Variants in TIAM2 observed in about 807,000 individuals in gnomAD.
The protein encoded by TIAM2 is rho guanine nucleotide exchange factor TIAM2.
TIAM2 carries 80 observed loss-of-function variants against 152.9 expected under a neutral mutation model. The observed-to-expected ratio is 0.52, with a 90% CI of 0.44 to 0.63. The LOEUF (loss-of-function observed/expected upper bound fraction) is 0.63, where lower values mean the gene tolerates loss of function less well. Ranked by LOEUF, TIAM2 falls within the 30% of genes least tolerant of loss-of-function variation. TIAM2 has a pLI of 0.00. For missense variants in TIAM2, 1,965 were observed against 2,120.1 expected (o/e 0.93, Z 1.44); for synonymous variants, 804 against 838.0 (o/e 0.96, Z 0.70).
chr6:155,052,921 G>C (rs1777351404), intron 1 of TIAM2, among the ~76,000 whole-genome samples: 1 of 152,136 alleles, frequency 6.6e-6, no homozygotes, highest in Admixed American at 6.5e-5. Context: ...CTAGGACCAT[G>C]TTTGTTTTGT....
chr6:155,243,415 G>A (rs1783149574), intron 16 of TIAM2, among the ~76,000 whole-genome samples: 1 of 152,146 alleles, frequency 6.6e-6, no homozygotes, highest in South Asian at 2.1e-4. Flanking sequence ...CTGAAGAAAG[G>A]GTGTTTCTGT....
chr6:155,179,243 C>A, intron 11 of TIAM2, 100 bp downstream of exon 11: 1 of 1,433,488 alleles, frequency 7.0e-7, no homozygotes, highest in Non-Finnish European at 9.7e-7. Context: ...TTAAATTTGG[C>A]GTCTAGTTTG....
chr6:155,133,536 A>G (rs959667418), intron 4 of TIAM2, among the ~76,000 whole-genome samples: 1 of 152,176 alleles, frequency 6.6e-6, no homozygotes, highest in Non-Finnish European at 1.5e-5. Flanking sequence ...ACCATAATTT[A>G]CCTTAGAGCT....
chr6:155,212,899 C>T (rs141580071), intron 15 of TIAM2, among the ~76,000 whole-genome samples: 75 of 152,280 alleles, frequency 4.9e-4, no homozygotes, highest in African/African-American at 1.5e-3. Flanking sequence ...GGCTCTAGCA[C>T]GGGCGCCGGT....
At chr6:155,094,808 C>T (rs1353673301) in intron 2 of TIAM2, among the ~76,000 whole-genome samples, 2 of 148,022 alleles carry the variant, frequency 1.4e-5, no homozygotes, top group Non-Finnish European at 1.5e-5. Flanking sequence ...GTCTTGAATT[C>T]CTGAGCTCAA....
intron 7 of TIAM2, among the ~76,000 whole-genome samples, chr6:155,157,108 C>T (rs779498721): frequency 2.0e-5 from 3 of 152,164 alleles, no homozygotes; most frequent in South Asian, 2.1e-4. Context: ...TCTGAACCCT[C>T]GATGCCTTGC....
intron 7 of TIAM2, among the ~76,000 whole-genome samples, chr6:155,163,685 TAA>T (rs1191406619): frequency 6.6e-6 from 1 of 152,234 alleles, no homozygotes; most frequent in Non-Finnish European, 1.5e-5. Flanking sequence ...AACAGAAACA[TAA>T]AGTCATTGCT....
intron 2 of TIAM2, among the ~76,000 whole-genome samples, chr6:155,110,483 A>G (rs1308841650): frequency 2.0e-5 from 3 of 152,104 alleles, no homozygotes; most frequent in African/African-American, 4.8e-5. Context: ...TGTACATTCA[A>G]TCTGTGACCA....
At chr6:155,127,625 G>C in intron 3 of TIAM2, 25 bp downstream of exon 3, 1 of 455,850 alleles carries the variant, frequency 2.2e-6, no homozygotes, top group Middle Eastern at 3.3e-4. Context: ...TGTGCCTGGG[G>C]GTCACGTCAA....
chr6:155,068,277 T>C (rs908825802), intron 1 of TIAM2, among the ~76,000 whole-genome samples: 3 of 152,206 alleles, frequency 2.0e-5, no homozygotes, highest in African/African-American at 7.2e-5. Flanking sequence ...CAAAAAACTC[T>C]CTACCCACCC....
chr6:155,172,238 C>T (rs376763934), intron 9 of TIAM2, among the ~76,000 whole-genome samples: 7 of 152,048 alleles, frequency 4.6e-5, no homozygotes, highest in East Asian at 1.9e-4. Flanking sequence ...GTCGTGATGG[C>T]CAGTTGGAGC....
chr6:155,208,563 A>G (rs1202779867), intron 14 of TIAM2, among the ~76,000 whole-genome samples: 1 of 152,110 alleles, frequency 6.6e-6, no homozygotes, highest in Non-Finnish European at 1.5e-5. Flanking sequence ...CATGTGTCTC[A>G]GACTCAGCAT....
intron 2 of TIAM2, among the ~76,000 whole-genome samples, chr6:155,117,915 G>A (rs1313479111): frequency 3.9e-5 from 6 of 152,220 alleles, no homozygotes; most frequent in African/African-American, 1.4e-4. Context: ...AAACATTCAT[G>A]TCGAATTGTT....
chr6:155,144,513 G>A (rs1779779991), intron 5 of TIAM2, 93 bp from the exon 6 acceptor site: 1 of 1,229,446 alleles, frequency 8.1e-7, no homozygotes, highest in African/African-American at 1.6e-5. Flanking sequence ...GTCTCACTCA[G>A]GTGTTTTTAA....
intron 1 of TIAM2, among the ~76,000 whole-genome samples, chr6:155,066,965 C>CT (rs1777706520): frequency 6.6e-6 from 1 of 152,110 alleles, no homozygotes; most frequent in Non-Finnish European, 1.5e-5. Context: ...CTATATTAGC[C>CT]AGACTGGTCT....
chr6:155,095,858 A>G (rs1414648358), intron 2 of TIAM2, among the ~76,000 whole-genome samples: 1 of 152,216 alleles, frequency 6.6e-6, no homozygotes, highest in Non-Finnish European at 1.5e-5. Context: ...GATTACTTGC[A>G]CTTTCTCCAA....
chr6:155,065,271 C>A (rs536500720), intron 1 of TIAM2, among the ~76,000 whole-genome samples: 188 of 152,010 alleles, frequency 1.2e-3, no homozygotes, highest in African/African-American at 4.4e-3. Context: ...CAGTGTGAAA[C>A]CATTGATTTC....
rs548982890 is a variant in TIAM2, at chr6:155,085,765, G to T, written c.-208-4524G>T. On this transcript the variant is annotated intron_variant, in intron 1 of 26. Transcript: ENST00000682666. ...TGCAAACAGGCAGCTCCAAGGCTGC[G>T]GGACTGGCTGGTTTTCATGCTGATA... 6.6e-5 allele frequency among the ~76,000 whole-genome samples: 10 copies of T among 152,292 alleles called. No homozygotes were observed. The East Asian group carries it at 1.9e-3, about 29-fold the overall frequency.
intron 14 of TIAM2, among the ~76,000 whole-genome samples, chr6:155,190,023 A>G (rs1428277927): frequency 3.9e-5 from 6 of 152,246 alleles, no homozygotes; most frequent in Admixed American, 3.9e-4. Flanking sequence ...TGGAAAGTCT[A>G]TTGGGGCCAG....
Sources: allele counts gnomAD v4.1 joint callset (sites outside exome capture counted in the v4.1 genomes callset), GRCh38; gene constraint gnomAD v4.1.1; transcripts MANE v1.5; gene names NCBI Gene and HGNC (gene_info 2026-07-23, HGNC 2026-07-21).